The following PARP10 variants were observed in gnomAD, a reference collection of about 807,000 sequenced individuals.
PARP10 encodes poly(ADP-ribose) polymerase family member 10, also known as protein mono-ADP-ribosyltransferase PARP10.
Under a neutral mutation model 82.4 loss-of-function variants are expected in PARP10, and 56 were observed. The ratio of observed to expected loss-of-function variants is 0.68; its 90% CI spans 0.55 to 0.85. The LOEUF is 0.85. PARP10 is among the 40% of genes least tolerant of loss of function. The probability of loss-of-function intolerance (pLI) is 0.00; values close to 1 mark genes in which losing one functional copy is unlikely to be tolerated. For missense variants in PARP10, 1,227 were observed against 1,379.4 expected, an observed-to-expected ratio of 0.89 and a Z score of 1.75; for synonymous variants, 576 against 601.1, an observed-to-expected ratio of 0.96 and a Z score of 0.61.
At position 143,979,901 on chromosome 8, in the gene PARP10, A is replaced by G. The variant is rs543191600; in HGVS notation, c.2557-1820T>C. 3.3e-5 allele frequency among the ~76,000 whole-genome samples: 5 copies of G among 149,618 alleles called. No homozygotes were observed. In the East Asian group the frequency reaches 9.8e-4, roughly 29 times the overall value. ...GTGGCGGGCGCCTGTAGTCACAGCTACTCAGGAGGCTGAGGCAGGAGAATG... is the reference window on the plus strand; with the variant it reads ...GTGGCGGGCGCCTGTAGTCACAGCTGCTCAGGAGGCTGAGGCAGGAGAATG... On this transcript the variant is annotated intron_variant, in intron 9 of 10. Coordinates refer to ENST00000313028, the MANE Select transcript of PARP10 (RefSeq NM_032789.5).
chr8:143,991,807 G>A (rs200532982), upstream of PARP10: 1 of 1,611,064 alleles, frequency 6.2e-7, no homozygotes, highest in African/African-American at 1.3e-5. Context: ...TCCGCAAGGT[G>A]GGTAGGGGCA....
chr8:143,982,203 C>T (rs1260412927), intron 9 of PARP10, among the ~76,000 whole-genome samples: 2 of 152,176 alleles, frequency 1.3e-5, no homozygotes, highest in East Asian at 3.9e-4. Context: ...GGCGCGGTGG[C>T]TCACGCCTGT....
chr8:144,009,096 A>C (rs1587477796), intron 1 of PARP10, among the ~76,000 whole-genome samples: 2 of 152,056 alleles, frequency 1.3e-5, no homozygotes, highest in East Asian at 3.8e-4. Context: ...GGAGGAAGAG[A>C]ACAGTGAAAG....
At chr8:144,010,752 GCA>G (rs1834272262) in intron 1 of PARP10, among the ~76,000 whole-genome samples, 1 of 151,994 alleles carries the variant, frequency 6.6e-6, no homozygotes, top group Non-Finnish European at 1.5e-5. Context: ...GAGTGTGGTG[GCA>G]CACACCTGTA....
intron 1 of PARP10, among the ~76,000 whole-genome samples, chr8:143,998,172 A>G (rs1554751431): frequency 6.6e-6 from 1 of 152,196 alleles, no homozygotes; most frequent in African/African-American, 2.4e-5. Flanking sequence ...AGACCCCTCA[A>G]CTGTGAGGAA....
intron 1 of PARP10, among the ~76,000 whole-genome samples, chr8:144,007,119 C>T (rs752834190): frequency 2.0e-5 from 3 of 152,206 alleles, no homozygotes; most frequent in South Asian, 4.1e-4. Flanking sequence ...CTCCAAAGCC[C>T]GACAAAGCCC....
upstream of PARP10, among the ~76,000 whole-genome samples, chr8:143,994,026 C>A (rs1007411264): frequency 3.3e-5 from 5 of 152,224 alleles, no homozygotes; most frequent in Admixed American, 2.0e-4. Context: ...TGCAGGGGGT[C>A]CCTCCATTGC....
chr8:143,991,519 AC>A, upstream of PARP10: 1 of 1,541,750 alleles, frequency 6.5e-7, no homozygotes, highest in Non-Finnish European at 8.8e-7. Flanking sequence ...CAAGGGGGCT[AC>A]CCCCAGGGGC....
At chr8:144,004,259 A>G (rs1461193888) in intron 1 of PARP10, among the ~76,000 whole-genome samples, 2 of 151,792 alleles carry the variant, frequency 1.3e-5, no homozygotes, top group Non-Finnish European at 2.9e-5. Flanking sequence ...CCTGTCTCAG[A>G]AAAAAAAAGA....
At chr8:143,992,045 C>A, upstream of PARP10, 1 of 1,613,924 alleles carries the variant, frequency 6.2e-7, no homozygotes, top group South Asian at 1.1e-5. Flanking sequence ...GTGGGGACTT[C>A]CGGCGAAAGC....
intron 9 of PARP10, among the ~76,000 whole-genome samples, chr8:143,982,618 T>C (rs1224668847): frequency 3.3e-5 from 5 of 152,224 alleles, no homozygotes; most frequent in African/African-American, 1.2e-4. Flanking sequence ...CAAGATGGCA[T>C]CACCGCCCCA....
At position 143,984,861 on chromosome 8, in the gene PARP10, G is replaced by A. The variant is rs782138870; in HGVS notation, c.1141C>T (p.Pro381Ser). The A allele has an allele frequency of 6.2e-7, 1 of 1,613,770 alleles. No homozygotes were observed. Among genetic ancestry groups the A allele is most frequent in the Non-Finnish European group, 8.5e-7 (1 of 1,179,910 alleles). Reference protein sequence around the residue: ...QEQEGPMSLGPVGSAGPVETS... With the variant: ...QEQEGPMSLGSVGSAGPVETS... Reference sequence around the variant, plus strand: ...TCCACTGGGCCTGCAGACCCCACAGGCCCCAGGCTCATGGGCCCCTCCTGT... The same window carrying A: ...TCCACTGGGCCTGCAGACCCCACAGACCCCAGGCTCATGGGCCCCTCCTGT... Residue 381 changes from proline (P) to serine (S), a missense_variant, in exon 5 of 11, where the codon CCT (proline) becomes TCT (serine). Coordinates refer to ENST00000313028, the MANE Select transcript of PARP10 (RefSeq NM_032789.5).
Position 143,981,479 on chromosome 8 carries a change from T to C in PARP10, c.2556+1453A>G, listed in dbSNP as rs797036793. Among the ~76,000 whole-genome samples, 4 of 99,528 alleles carry C rather than the reference T, an allele frequency of 4.0e-5. No homozygotes were observed. In the South Asian group the frequency reaches 8.6e-4, roughly 21 times the overall value. 65.3% of individuals were successfully genotyped at this position (99,528 alleles called of 152,430 possible). A position where few individuals can be genotyped will look rare whatever the true frequency, so the allele number is the denominator to read the frequency against. The stretch of plus-strand genomic sequence containing the variant: ...TGAGTGGTGAAGGTGGTGGTGATGA[T>C]GGTGGTGACGACAGTGAGTGGTGAA... On this transcript the variant is annotated intron_variant, in intron 9 of 10. Coordinates refer to ENST00000313028, the MANE Select transcript of PARP10 (RefSeq NM_032789.5).
At chr8:144,006,104 C>T (rs1360093034) in intron 1 of PARP10, among the ~76,000 whole-genome samples, 4 of 152,166 alleles carry the variant, frequency 2.6e-5, no homozygotes, top group African/African-American at 9.7e-5. Flanking sequence ...AGCCTGGCTG[C>T]CTTGGGCATT....
chr8:144,001,365 G>A (rs1405378696), intron 1 of PARP10, among the ~76,000 whole-genome samples: 5 of 152,164 alleles, frequency 3.3e-5, no homozygotes, highest in Admixed American at 2.0e-4. Flanking sequence ...GATTACAGGC[G>A]TGAGACACAG....
rs1305360945 is a variant in PARP10 at position 143,979,935 on chromosome 8, G to A, written c.2557-1854C>T. 2.2e-5 allele frequency among the ~76,000 whole-genome samples: 3 copies of A among 138,292 alleles called. No individual in the cohort carries two copies. The East Asian group carries it at 6.7e-4, about 31-fold the overall frequency. 90.7% of individuals were successfully genotyped at this position (138,292 alleles called of 152,430 possible). ...GCTGAGGCAGGAGAATGGCGTGAAC[G>A]CAGGAGGCGGAGCTTGCAGTGAGCC... On this transcript the variant is annotated intron_variant, in intron 9 of 10. Transcript: ENST00000313028.
chr8:143,992,066 C>T (rs782553092), upstream of PARP10: 35 of 1,613,730 alleles, frequency 2.2e-5, no homozygotes, highest in Admixed American at 5.0e-5. Flanking sequence ...ACCCCTGGAA[C>T]CTTGTTGCAC....
Position 143,983,513 on chromosome 8 carries a change from C to A in PARP10, c.2076G>T (p.Pro692=). ...ALTLSLLEQP[P]LEAEEPPDGG... Reference sequence around the variant, plus strand: ...CATCTGGGGGCTCTTCTGCCTCCAACGGGGGCTGCTCCAGCAGGGAGAGGG... The same window carrying A: ...CATCTGGGGGCTCTTCTGCCTCCAAAGGGGGCTGCTCCAGCAGGGAGAGGG... Residue 692 remains proline, a synonymous_variant, in exon 8 of 11, where the codon CCG becomes CCT. Transcript: ENST00000313028. 3.1e-6 allele frequency: 5 copies of A among 1,605,676 alleles called. No homozygotes were observed. Among genetic ancestry groups the A allele is most frequent in the Non-Finnish European group, 4.2e-6 (5 of 1,176,590 alleles).
Position 143,985,921 on chromosome 8 carries a change from C to T in PARP10, c.236G>A (p.Ser79Asn). Residue 79 changes from serine (S) to asparagine (N), a missense_variant, in exon 3 of 11, where the codon AGC (serine) becomes AAC (asparagine). Transcript: ENST00000313028. ...ADHELHGAQL[S>N]LRPAPPRAPA... The stretch of plus-strand genomic sequence containing the variant: ...GGCTCGTGGTGGAGCTGGCCGCAGG[C>T]TCAGCTGGGCACCATGTAGTTCGTG... The T allele has an allele frequency of 6.3e-7, 1 of 1,578,854 alleles. No individual in the cohort carries two copies. Among genetic ancestry groups the T allele is most frequent in the Non-Finnish European group, 8.6e-7 (1 of 1,158,916 alleles).
Sources: allele counts gnomAD v4.1 joint callset (sites outside exome capture counted in the v4.1 genomes callset), GRCh38; gene constraint gnomAD v4.1.1; transcripts MANE v1.5; gene names NCBI Gene and HGNC (gene_info 2026-07-23, HGNC 2026-07-21).